RHOBTB2: variants seen among roughly 807,000 people sequenced by gnomAD.
RHOBTB2 encodes the protein Rho related BTB domain containing 2, also known as rho-related BTB domain-containing protein 2.
A neutral mutation model predicts 66.5 loss-of-function variants in RHOBTB2; 39 were observed. That is an observed-to-expected ratio of 0.59 (90% CI 0.45 to 0.77). The LOEUF (loss-of-function observed/expected upper bound fraction) is 0.77, where lower values mean the gene tolerates loss of function less well. Ranked by LOEUF, RHOBTB2 falls within the 30% of genes least tolerant of loss-of-function variation. The pLI, the probability that RHOBTB2 is intolerant of heterozygous loss-of-function variation, is 0.00. For missense variants in RHOBTB2, 755 were observed against 999.1 expected (o/e 0.76, Z 3.29); for synonymous variants, 390 against 395.0 (o/e 0.99, Z 0.15).
chr8:22,985,142 A>C (rs1404844143), upstream of RHOBTB2, among the ~76,000 whole-genome samples: 1 of 152,126 alleles, frequency 6.6e-6, no homozygotes, highest in Admixed American at 6.5e-5. Flanking sequence ...TCTGGTGGTG[A>C]CAAAGGAATG....
At chr8:22,994,759 TA>T (rs113801401), upstream of RHOBTB2, 556 of 690,442 alleles carry the variant, frequency 8.1e-4, no homozygotes, top group African/African-American at 1.7e-3. Context: ...TAGACCAACA[TA>T]AAAAAAAATA....
rs372891907 is a variant in RHOBTB2, at chr8:22,993,973, C to G, written c.-23-588C>G. Among the ~76,000 whole-genome samples the G allele has an allele frequency of 1.2e-4, 18 of 152,378 alleles. No homozygotes were observed. In the East Asian group the frequency reaches 3.5e-3, roughly 29 times the overall value. ...TTACCATGTGTTTAATCCTCACTCT[C>G]TCTCCAAAAAATACCTCCTCCTTCC... On this transcript the variant is annotated intron_variant, in intron 2 of 11. Coordinates refer to the RHOBTB2 transcript ENST00000519685.
the RHOBTB2 span, among the ~76,000 whole-genome samples, chr8:22,969,482 G>A: frequency 8.5e-5 from 13 of 152,132 alleles, no homozygotes; most frequent in East Asian, 2.5e-3. Context: ...TAAAGACCGT[G>A]AACAAATAAT....
the RHOBTB2 span, among the ~76,000 whole-genome samples, chr8:22,971,084 A>T: frequency 5.9e-5 from 9 of 152,154 alleles, no homozygotes; most frequent in East Asian, 1.7e-3. Context: ...GGGAGAAGCC[A>T]TTTCCCCTTG....
In RHOBTB2 at chr8:23,004,324, C is replaced by T. The variant is rs1810880133; in HGVS notation, c.-10-101C>T. 1.0e-6 allele frequency: 1 copy of T among 996,778 alleles called. No individual in the cohort carries two copies. The highest frequency in any genetic ancestry group is 1.4e-5 in the South Asian group (1 of 71,950). 61.7% of individuals were successfully genotyped at this position (996,778 alleles called of 1,614,324 possible). The stretch of plus-strand genomic sequence containing the variant: ...CTCCTCCTGTCAGCTCCGGGGCTTG[C>T]AGAGGGGGCAGCCTGGCTGAGGAGA... On this transcript the variant is annotated intron_variant, in intron 1 of 9. Coordinates refer to ENST00000251822, the MANE Select transcript of RHOBTB2 (RefSeq NM_015178.3). This position sits in a 1 kb window ranked among gnomAD's most constrained non-coding sequence, Gnocchi z 6.4.
intron 7 of RHOBTB2, 80 bp downstream of exon 7, chr8:23,010,768 C>A: frequency 6.8e-7 from 1 of 1,471,650 alleles, no homozygotes; most frequent in Non-Finnish European, 9.3e-7. Flanking sequence ...CCTCTCACGT[C>A]TCTCCTGGGG....
At chr8:22,972,684 G>C in the RHOBTB2 span, among the ~76,000 whole-genome samples, 1 of 152,186 alleles carries the variant, frequency 6.6e-6, no homozygotes, top group Admixed American at 6.5e-5. Context: ...AGATGTGGAG[G>C]GTTGGACCCT....
the RHOBTB2 span, among the ~76,000 whole-genome samples, chr8:22,953,085 A>C: frequency 1.3e-5 from 2 of 152,102 alleles, no homozygotes; most frequent in Admixed American, 6.5e-5. Context: ...TGGGCTGTCC[A>C]CCTGCGCAGT....
intron 6 of RHOBTB2, among the ~76,000 whole-genome samples, chr8:23,008,625 G>A (rs1811043993): frequency 6.6e-6 from 1 of 152,152 alleles, no homozygotes; most frequent in Non-Finnish European, 1.5e-5. Flanking sequence ...AAGACAACTT[G>A]TTACAGATCC....
At chr8:23,005,075 TCCCTTAGGGTCTCTTCCACC>T (rs1192966847) in intron 2 of RHOBTB2, among the ~76,000 whole-genome samples, 2 of 152,098 alleles carry the variant, frequency 1.3e-5, no homozygotes, top group East Asian at 3.9e-4. Context: ...CCCATAGCAG[TCCCTTAGGGTCTCTTCCACC>T]CCCTTAGGGT....
the RHOBTB2 span, among the ~76,000 whole-genome samples, chr8:22,967,382 G>C: frequency 1.6e-4 from 24 of 151,948 alleles, no homozygotes; most frequent in Non-Finnish European, 3.1e-4. Flanking sequence ...GCTGAGGCGG[G>C]TGGATCACCT....
intron 8 of RHOBTB2, among the ~76,000 whole-genome samples, chr8:23,015,130 C>A (rs1031957363): frequency 3.3e-5 from 5 of 152,164 alleles, no homozygotes; most frequent in Admixed American, 6.5e-5. Context: ...TCCCTTAATC[C>A]CAAACAAACA....
the RHOBTB2 span, among the ~76,000 whole-genome samples, chr8:22,970,666 C>T: frequency 6.6e-6 from 1 of 151,996 alleles, no homozygotes; most frequent in African/African-American, 2.4e-5. Flanking sequence ...CACCCTGTTG[C>T]CCAGGCTGGT....
At position 23,004,613 on chromosome 8, in the gene RHOBTB2, G is replaced by T. The variant is rs777511384; in HGVS notation, c.179G>T (p.Arg60Leu). The T allele has an allele frequency of 1.2e-6, 2 of 1,613,294 alleles. No homozygotes were observed. Among genetic ancestry groups the T allele is most frequent in the Admixed American group, 1.7e-5 (1 of 59,932 alleles). The change falls in exon 2 of 10, where the codon CGT becomes CTT. Residue 60 changes from arginine (R) to leucine (L), a missense_variant. Around this residue, in one of 7 missense-constraint regions of RHOBTB2, gnomAD observed 65 missense variants for 152.4 expected, o/e 0.43. Coordinates refer to ENST00000251822, the MANE Select transcript of RHOBTB2 (RefSeq NM_015178.3). The surrounding 1 kb of genome is among the most constrained non-coding windows in gnomAD (Gnocchi z 6.4). The part of the protein sequence containing the change: ...VPTVWAIDQY[R>L]VCQEVLERSR... ...ACAGTATGGGCCATCGACCAATATC[G>T]TGTGTGCCAGGAGGTAAGGCTGCAG...
At chr8:22,970,301 C>A in the RHOBTB2 span, among the ~76,000 whole-genome samples, 1 of 152,164 alleles carries the variant, frequency 6.6e-6, no homozygotes, top group Non-Finnish European at 1.5e-5. Context: ...GGCACCAAGC[C>A]TCTTTTAGAA....
chr8:22,970,536 G>A, the RHOBTB2 span, among the ~76,000 whole-genome samples: 1 of 151,834 alleles, frequency 6.6e-6, no homozygotes, highest in South Asian at 2.1e-4. Context: ...AGGAGTTCCA[G>A]GCTGCAGTGA....
chr8:22,999,496 G>GCCCCC (rs896899931), upstream of RHOBTB2: 1 of 591,046 alleles, frequency 1.7e-6, no homozygotes, highest in African/African-American at 2.2e-5. Context: ...TCCCCCGCCC[G>GCCCCC]CCCCCTCCCC....
chr8:22,973,374 G>C, the RHOBTB2 span, among the ~76,000 whole-genome samples: 1 of 152,102 alleles, frequency 6.6e-6, no homozygotes, highest in African/African-American at 2.4e-5. Context: ...GGTCACAGGT[G>C]TGTGCTGCCA....
At chr8:22,972,778 G>C in the RHOBTB2 span, among the ~76,000 whole-genome samples, 11 of 152,192 alleles carry the variant, frequency 7.2e-5, no homozygotes, top group Non-Finnish European at 1.6e-4. Context: ...TGCTGACCAT[G>C]CTTTGAGAAC....
Sources: allele counts gnomAD v4.1 joint callset (sites outside exome capture counted in the v4.1 genomes callset), GRCh38; gene constraint gnomAD v4.1.1; regional missense constraint gnomAD v4.1.1; non-coding constraint Gnocchi (gnomAD v3.1); transcripts MANE v1.5; gene names NCBI Gene and HGNC (gene_info 2026-07-23, HGNC 2026-07-21).